MAP2K1: variants seen among roughly 807,000 people sequenced by gnomAD.
MAP2K1 encodes dual specificity mitogen-activated protein kinase kinase 1.
MAP2K1 carries 16 observed loss-of-function variants against 46.3 expected under a neutral mutation model. That is an observed-to-expected ratio of 0.35 (90% CI 0.23 to 0.52). The LOEUF is 0.52. MAP2K1 is among the 20% of genes least tolerant of loss of function. MAP2K1 has a pLI of 0.94. For synonymous variants in MAP2K1, 183 were observed against 185.6 expected (o/e 0.99, Z 0.11); for missense variants, 263 against 497.1 (o/e 0.53, Z 4.48).
chr15:66,435,014 C>T lies in MAP2K1; in HGVS notation c.81-13C>T, dbSNP rs750797427. Reference sequence around the variant, plus strand: ...GGTGACAGTATTGACTTGTGCTCCCCACTTTGGAACAGGACCAACTTGGAG... The same window carrying T: ...GGTGACAGTATTGACTTGTGCTCCCTACTTTGGAACAGGACCAACTTGGAG... On this transcript the variant is annotated splice_polypyrimidine_tract_variant and intron_variant, in intron 1 of 10. Coordinates refer to ENST00000307102, the MANE Select transcript of MAP2K1 (RefSeq NM_002755.4). 1.9e-6 allele frequency: 3 copies of T among 1,574,186 alleles called. No homozygotes were observed. The highest frequency in any genetic ancestry group is 1.1e-5 in the South Asian group (1 of 90,162).
chr15:66,406,429 A>G (rs111690284), intron 1 of MAP2K1, among the ~76,000 whole-genome samples: 10 of 152,286 alleles, frequency 6.6e-5, no homozygotes, highest in East Asian at 1.9e-4. Context: ...TCTGAAGTGT[A>G]TGTGTGTTTG....
rs907198296 is a variant in MAP2K1 at position 66,387,096 on chromosome 15, C to T, written c.-252C>T. On this transcript the variant is annotated 5_prime_UTR_variant, in exon 1 of 11. Coordinates refer to ENST00000307102, the MANE Select transcript of MAP2K1 (RefSeq NM_002755.4). ...TGCCGAACCGCACGTTCAGCCCGCT[C>T]CGCTCCTGCAGGGCAGCCTTTCGGC... The T allele has an allele frequency of 1.4e-5, 6 of 423,182 alleles. No individual in the cohort carries two copies. The highest frequency in any genetic ancestry group is 2.5e-5 in the Non-Finnish European group (6 of 240,886). The allele number at this position is 423,182 out of a possible 1,614,324, so 26.2% of individuals were successfully genotyped here. A position where few individuals can be genotyped will look rare whatever the true frequency, so the allele number is the denominator to read the frequency against.
Position 66,398,960 on chromosome 15 carries a change from A to G in MAP2K1, c.80+11533A>G, listed in dbSNP as rs1017222511. Among the ~76,000 whole-genome samples the G allele has an allele frequency of 2.2e-4, 34 of 152,026 alleles. 1 individual carries two copies. Among genetic ancestry groups the G allele is most frequent in the African/African-American group, 8.0e-4 (33 of 41,408 alleles). ...GCTAATTTTTGTATTTTTAGAAGAG[A>G]CGGTGTTTCACCATGTTGGCCAGGC... On this transcript the variant is annotated intron_variant, in intron 1 of 10. Coordinates refer to ENST00000307102, the MANE Select transcript of MAP2K1 (RefSeq NM_002755.4).
chr15:66,487,606 AAAAC>A (rs201007129), intron 8 of MAP2K1, among the ~76,000 whole-genome samples: 1,869 of 147,714 alleles, frequency 0.013, 31 homozygotes, highest in African/African-American at 0.046. Context: ...ACAAAACAAA[AAAAC>A]AAAAAAACAC....
At chr15:66,472,402 A>G (rs1380950536) in intron 5 of MAP2K1, among the ~76,000 whole-genome samples, 4 of 152,086 alleles carry the variant, frequency 2.6e-5, no homozygotes, top group African/African-American at 9.7e-5. Context: ...AGATGGAACC[A>G]TGGTTTCCTG....
chr15:66,453,499 A>T (rs1028253516), intron 5 of MAP2K1: 1 of 702,224 alleles, frequency 1.4e-6, no homozygotes, highest in Non-Finnish European at 2.6e-6. Flanking sequence ...GGCCTGGACT[A>T]TGGAATGGTA....
chr15:66,489,648 A>G, intron 9 of MAP2K1, 70 bp from the exon 10 acceptor site: 1 of 1,177,032 alleles, frequency 8.5e-7, no homozygotes, highest in Non-Finnish European at 1.3e-6. Flanking sequence ...GAAGACAGGC[A>G]TGCAAACATG....
At chr15:66,478,907 C>T (rs540803300) in intron 5 of MAP2K1, among the ~76,000 whole-genome samples, 8 of 152,240 alleles carry the variant, frequency 5.3e-5, no homozygotes, top group African/African-American at 1.9e-4. Flanking sequence ...TCTTGACTGC[C>T]CACACAGAGC....
At chr15:66,455,365 C>T (rs1372828884) in intron 5 of MAP2K1, among the ~76,000 whole-genome samples, 1 of 152,160 alleles carries the variant, frequency 6.6e-6, no homozygotes, top group African/African-American at 2.4e-5. Context: ...TAGGATTCTT[C>T]AAATAGAAGT....
At chr15:66,392,835 G>A (rs1566993604) in intron 1 of MAP2K1, among the ~76,000 whole-genome samples, 1 of 152,152 alleles carries the variant, frequency 6.6e-6, no homozygotes. Flanking sequence ...TTACAGGCGT[G>A]AGCCACCATG....
intron 5 of MAP2K1, among the ~76,000 whole-genome samples, chr15:66,452,279 G>C (rs1022308677): frequency 3.0e-5 from 2 of 67,190 alleles, no homozygotes; most frequent in Non-Finnish European, 5.5e-5. Context: ...CTAAAACTTA[G>C]AGTATAATAA....
intron 5 of MAP2K1, among the ~76,000 whole-genome samples, chr15:66,461,923 C>A (rs1892332967): frequency 6.6e-6 from 1 of 152,146 alleles, no homozygotes; most frequent in South Asian, 2.1e-4. Context: ...TTTTCCATCT[C>A]CTGGAACTGT....
At chr15:66,448,345 A>G (rs1891935679) in intron 5 of MAP2K1, among the ~76,000 whole-genome samples, 1 of 152,092 alleles carries the variant, frequency 6.6e-6, no homozygotes, top group Admixed American at 6.6e-5. Flanking sequence ...ATGTTGTATG[A>G]TGTGCTAGAC....
At chr15:66,432,346 G>C (rs2093476912) in intron 1 of MAP2K1, among the ~76,000 whole-genome samples, 1 of 152,212 alleles carries the variant, frequency 6.6e-6, no homozygotes, top group South Asian at 2.1e-4. Flanking sequence ...AGGCATAGGA[G>C]GTAGAGGAGG....
chr15:66,387,535 C>T, intron 1 of MAP2K1, 108 bp downstream of exon 1: 1 of 1,150,562 alleles, frequency 8.7e-7, no homozygotes, highest in East Asian at 2.6e-5. Context: ...ACGTCTGGGG[C>T]TGGCAGGGGG....
chr15:66,443,082 A>ATTTTTTTTTTTTTTTTTT (rs398027713), intron 3 of MAP2K1, among the ~76,000 whole-genome samples, 198 bp from the exon 4 acceptor site: 1 of 91,064 alleles, frequency 1.1e-5, no homozygotes, highest in African/African-American at 4.5e-5. Flanking sequence ...TTGTGTGTGT[A>ATTTTTTTTTTTTTTTTTT]TTTTTTTTTT....
intron 1 of MAP2K1, among the ~76,000 whole-genome samples, chr15:66,413,308 C>G (rs1392237810): frequency 6.6e-6 from 1 of 152,180 alleles, no homozygotes; most frequent in Admixed American, 6.5e-5. Flanking sequence ...AGGGAATAAG[C>G]TTGACTCTTC....
chr15:66,485,096 A>G lies in MAP2K1; in HGVS notation c.800A>G (p.Asp267Gly). ...GGGAGGTATCCCATCCCTCCTCCAG[A>G]TGCCAAGGAGCTGGAGCTGATGTTT... ...AVGRYPIPPP[D>G]AKELELMFGC... The change falls in exon 7 of 11, where the codon GAT (aspartate) becomes GGT (glycine). Residue 267 changes from aspartate to glycine, a missense_variant. Around this residue, in one of 4 missense-constraint regions of MAP2K1, gnomAD observed 118 missense variants for 193.0 expected, o/e 0.61. Transcript: ENST00000307102. The G allele has an allele frequency of 6.2e-7, 1 of 1,613,986 alleles. No individual in the cohort carries two copies. Among genetic ancestry groups the G allele is most frequent in the South Asian group, 1.1e-5 (1 of 91,070 alleles).
At position 66,420,719 on chromosome 15, in the gene MAP2K1, A is replaced by G. The variant is rs866032717; in HGVS notation, c.81-14308A>G. On this transcript the variant is annotated intron_variant, in intron 1 of 10. Coordinates refer to ENST00000307102, the MANE Select transcript of MAP2K1 (RefSeq NM_002755.4). Reference sequence around the variant, plus strand: ...ACTTACTCTTGGCATATATATATATATATGTGTGTGTGTGTGTGTGTGTGT... The same window carrying G: ...ACTTACTCTTGGCATATATATATATGTATGTGTGTGTGTGTGTGTGTGTGT... Among the ~76,000 whole-genome samples, 61 of 32,728 alleles carry G rather than the reference A, an allele frequency of 1.9e-3. 3 individuals are homozygous for G. Among genetic ancestry groups the G allele is most frequent in the Middle Eastern group, 0.015 (1 of 66 alleles). 21.5% of individuals were successfully genotyped at this position (32,728 alleles called of 152,430 possible). A position where few individuals can be genotyped will look rare whatever the true frequency, so the allele number is the denominator to read the frequency against.
Sources: gnomAD v4.1 joint callset for allele counts (sites outside exome capture counted in the v4.1 genomes callset) on GRCh38, gnomAD v4.1.1 for gene constraint, gnomAD v4.1.1 regional missense constraint, MANE v1.5 for transcripts, NCBI Gene and HGNC (gene_info 2026-07-23, HGNC 2026-07-21) for gene names.